PEMT: variants seen among roughly 807,000 people sequenced by gnomAD.
The protein encoded by PEMT is phospholipid methyltransferase.
In PEMT, 23 loss-of-function variants were observed where a neutral mutation model predicts 27.4. The observed-to-expected ratio is 0.84, with a 90% CI of 0.60 to 1.19. The LOEUF (loss-of-function observed/expected upper bound fraction) is 1.19. Among genes scored for constraint, PEMT ranks in the 50% most tolerant of loss-of-function variants. The pLI is 0.00. For synonymous variants in PEMT, 137 were observed against 139.1 expected (o/e 0.98, Z 0.11); for missense variants, 307 against 310.1 (o/e 0.99, Z 0.07).
At chr17:17,547,400 C>T (rs1486299422) in intron 2 of PEMT, among the ~76,000 whole-genome samples, 2 of 152,252 alleles carry the variant, frequency 1.3e-5, no homozygotes, top group Non-Finnish European at 2.9e-5. Flanking sequence ...CGCATGGACT[C>T]TGTGTGATGA....
chr17:17,517,890 C>T (rs1906961089), intron 3 of PEMT: 6 of 769,982 alleles, frequency 7.8e-6, no homozygotes, highest in Admixed American at 6.2e-5. Context: ...TCAGCCAGGG[C>T]TCCGCCTGCA....
chr17:17,530,632 T>G (rs913980939), intron 2 of PEMT, among the ~76,000 whole-genome samples: 6 of 152,202 alleles, frequency 3.9e-5, no homozygotes, highest in African/African-American at 1.2e-4. Context: ...CCGCACAGCC[T>G]GAGGACAAAA....
At chr17:17,559,618 C>T (rs1252368648) in intron 2 of PEMT, among the ~76,000 whole-genome samples, 3 of 152,168 alleles carry the variant, frequency 2.0e-5, no homozygotes, top group South Asian at 2.1e-4. Context: ...TGGTAAGGGA[C>T]GTCCAAGTAG....
At chr17:17,560,637 C>G (rs1461595809) in intron 2 of PEMT, among the ~76,000 whole-genome samples, 2 of 152,192 alleles carry the variant, frequency 1.3e-5, no homozygotes, top group South Asian at 4.1e-4. Flanking sequence ...GGAGCCACAT[C>G]TGTGCAGACA....
chr17:17,541,570 C>T (rs1420730571), intron 2 of PEMT, among the ~76,000 whole-genome samples: 1 of 152,384 alleles, frequency 6.6e-6, no homozygotes, highest in East Asian at 1.9e-4. Context: ...GAGCCAGAGC[C>T]CACACACTGA....
In PEMT at chr17:17,509,573, C is replaced by CA. The variant is rs777148969; in HGVS notation, c.467-29_467-28insT. ...GTGGATGAGGCAAGGCAGGGTCCCTCGGCTATTCATCAGCCCTGGCCACAC... is the reference window on the plus strand; with the variant it reads ...GTGGATGAGGCAAGGCAGGGTCCCTCAGGCTATTCATCAGCCCTGGCCACAC... On this transcript the variant is annotated intron_variant, in intron 4 of 6. Transcript: ENST00000255389. 2.7e-6 allele frequency: 4 copies of CA among 1,502,540 alleles called. No individual in the cohort carries two copies. In the East Asian group the frequency reaches 6.8e-5, roughly 25 times the overall value. 93.1% of individuals were successfully genotyped at this position (1,502,540 alleles called of 1,614,324 possible). A position where few individuals can be genotyped will look rare whatever the true frequency, so the allele number is the denominator to read the frequency against.
chr17:17,568,043 GCACACACTCACACACCTA>G (rs1314589381), intron 2 of PEMT, among the ~76,000 whole-genome samples: 1 of 149,832 alleles, frequency 6.7e-6, no homozygotes, highest in Non-Finnish European at 1.5e-5. Flanking sequence ...TCACACACAT[GCACACACTCACACACCTA>G]CACACACACA....
intron 3 of PEMT, among the ~76,000 whole-genome samples, chr17:17,520,252 ACT>A (rs1240141493): frequency 6.6e-6 from 1 of 152,012 alleles, no homozygotes; most frequent in Non-Finnish European, 1.5e-5. Flanking sequence ...AAGGAGGGAC[ACT>A]CTGCCGGTGG....
intron 3 of PEMT, among the ~76,000 whole-genome samples, chr17:17,515,506 C>T (rs1308809488): frequency 6.6e-6 from 1 of 152,184 alleles, no homozygotes; most frequent in Non-Finnish European, 1.5e-5. Flanking sequence ...TGGCTCCTGG[C>T]ACAATGCTCT....
chr17:17,577,636 C>T (rs1911699606), intron 1 of PEMT, among the ~76,000 whole-genome samples: 1 of 149,284 alleles, frequency 6.7e-6, no homozygotes, highest in African/African-American at 2.5e-5. Context: ...CAATGACAAA[C>T]AACTTAGGTG....
At chr17:17,520,259 C>T (rs181620839) in intron 3 of PEMT, among the ~76,000 whole-genome samples, 3 of 152,314 alleles carry the variant, frequency 2.0e-5, no homozygotes, top group East Asian at 1.9e-4. Flanking sequence ...GACACTCTGC[C>T]GGTGGCCCAA....
At chr17:17,559,825 A>C (rs1166154910) in intron 2 of PEMT, among the ~76,000 whole-genome samples, 2 of 152,252 alleles carry the variant, frequency 1.3e-5, no homozygotes, top group African/African-American at 4.8e-5. Flanking sequence ...GGTTCAGAGC[A>C]GTGAAACGGC....
rs1270440368 is a variant in PEMT at position 17,582,839 on chromosome 17, G to A, written c.97-5812C>T. On this transcript the variant is annotated intron_variant, in intron 1 of 6. Coordinates refer to ENST00000255389, the MANE Select transcript of PEMT (RefSeq NM_148172.3). This position sits in a 1 kb window ranked among gnomAD's most constrained non-coding sequence, Gnocchi z 4.9. ...AGCACTTTGGGAGGCCTAGGCAGGC[G>A]GATCACAAGGCCAGGAGTCAGAGAT... Among the ~76,000 whole-genome samples, 3 of 152,084 alleles carry A rather than the reference G, an allele frequency of 2.0e-5. No homozygotes were observed. The highest frequency in any genetic ancestry group is 2.1e-4 in the South Asian group (1 of 4,826).
chr17:17,581,541 G>A (rs1331672533), intron 1 of PEMT, among the ~76,000 whole-genome samples: 1 of 152,198 alleles, frequency 6.6e-6, no homozygotes, highest in African/African-American at 2.4e-5. Flanking sequence ...CAAGAAATAT[G>A]CTTTTTTCAC....
Position 17,510,047 on chromosome 17 carries a change from C to A in PEMT, c.467-502G>T, listed in dbSNP as rs569608986. On this transcript the variant is annotated intron_variant, in intron 4 of 6. Transcript: ENST00000255389. Reference sequence around the variant, plus strand: ...TTGCTAAGGGCTGCTCTGCTCCACACCCCAGGCTGTGTGGCTCTGGCACCA... The same window carrying A: ...TTGCTAAGGGCTGCTCTGCTCCACAACCCAGGCTGTGTGGCTCTGGCACCA... 1.3e-3 allele frequency among the ~76,000 whole-genome samples: 204 copies of A among 152,278 alleles called. 1 individual carries two copies. The highest frequency in any genetic ancestry group is 4.8e-3 in the African/African-American group (199 of 41,558).
At chr17:17,560,013 C>A (rs989767410) in intron 2 of PEMT, among the ~76,000 whole-genome samples, 1 of 152,352 alleles carries the variant, frequency 6.6e-6, no homozygotes, top group African/African-American at 2.4e-5. Flanking sequence ...CCAGGCCCGC[C>A]AAGACCCAGT....
intron 2 of PEMT, among the ~76,000 whole-genome samples, chr17:17,566,764 C>A (rs1045148566): frequency 6.6e-6 from 1 of 152,198 alleles, no homozygotes; most frequent in African/African-American, 2.4e-5. Flanking sequence ...GGAGATGCAC[C>A]CAACTGGGCG....
chr17:17,518,490 T>C lies in PEMT; in HGVS notation c.320+3790A>G, dbSNP rs1365882875. On this transcript the variant is annotated intron_variant, in intron 3 of 6. Transcript: ENST00000255389. ...TCTGTGCTAATGGCCCCTTCGGGAC[T>C]GGATGGAGCACACCTGCTTCCAGAT... 2.0e-5 allele frequency among the ~76,000 whole-genome samples: 3 copies of C among 152,368 alleles called. No individual in the cohort carries two copies. The East Asian group carries it at 5.8e-4, about 29-fold the overall frequency.
intron 1 of PEMT, among the ~76,000 whole-genome samples, chr17:17,577,824 T>C (rs1222177692): frequency 6.6e-6 from 1 of 152,022 alleles, no homozygotes; most frequent in Non-Finnish European, 1.5e-5. Flanking sequence ...AAGACCATCC[T>C]GGCTAACACG....
Sources: allele counts gnomAD v4.1 joint callset (sites outside exome capture counted in the v4.1 genomes callset), GRCh38; gene constraint gnomAD v4.1.1; non-coding constraint Gnocchi (gnomAD v3.1); transcripts MANE v1.5; gene names NCBI Gene and HGNC (gene_info 2026-07-23, HGNC 2026-07-21).